Variants in SCNN1D observed in about 807,000 individuals in gnomAD.
The protein encoded by SCNN1D is epithelial sodium channel subunit delta.
In SCNN1D, 104 loss-of-function variants were observed where a neutral mutation model predicts 87.8. That is an observed-to-expected ratio of 1.18 (90% CI 1.01 to 1.39). The LOEUF is 1.39. SCNN1D is among the 40% of genes most tolerant of loss of function. The probability of loss-of-function intolerance (pLI) is 0.00; values close to 1 mark genes in which losing one functional copy is unlikely to be tolerated. For synonymous variants in SCNN1D, 628 were observed against 481.2 expected (o/e 1.31, Z -3.99); for missense variants, 1,324 against 1,093.9 (o/e 1.21, Z -2.97).
chr1:1,284,774 T>C (rs1475831983), intron 5 of SCNN1D, among the ~76,000 whole-genome samples: 2 of 151,970 alleles, frequency 1.3e-5, no homozygotes, highest in Admixed American at 6.5e-5. Context: ...CCAGACAGGG[T>C]GGAGAGGCCA....
chr1:1,280,478 AAAG>A lies in SCNN1D; in HGVS notation c.-182_-180del, dbSNP rs1640447881. The A allele has an allele frequency of 6.1e-6, 3 of 491,194 alleles. No individual in the cohort carries two copies. Among genetic ancestry groups the A allele is most frequent in the Non-Finnish European group, 1.1e-5 (3 of 272,602 alleles). 30.4% of individuals were successfully genotyped at this position (491,194 alleles called of 1,614,324 possible). On this transcript the variant is annotated 5_prime_UTR_variant, in exon 1 of 18. Transcript: ENST00000379116. ...CTCCATCTCAATAAATAAAAAAAAA[AAAG>A]AGTTGTTATCAGTAGAAGGGAATGT... is the stretch of plus-strand genomic sequence containing the variant.
chr1:1,290,203 C>T (rs533286046), intron 12 of SCNN1D, 68 bp from the exon 13 acceptor site: 17 of 1,159,326 alleles, frequency 1.5e-5, no homozygotes, highest in Non-Finnish European at 1.8e-5. Context: ...TGCTCCGTCC[C>T]GTGTCTCTGC....
rs755951513 is a variant in SCNN1D, at chr1:1,287,823, T to C, written c.1550T>C (p.Ile517Thr). ...FSVRPGTEAT[I>T]SIREDEVHRL... ...GTCCGGCCAGGGACGGAGGCCACCA[T>C]CAGCATCCGAGAGGTGAGCTGGCCT... Residue 517 changes from isoleucine to threonine, a missense_variant, in exon 11 of 18, where the codon ATC becomes ACC. Coordinates refer to ENST00000379116, the MANE Select transcript of SCNN1D (RefSeq NM_001130413.4). The C allele has an allele frequency of 6.4e-7, 1 of 1,558,140 alleles. No individual in the cohort carries two copies. Among genetic ancestry groups the C allele is most frequent in the Non-Finnish European group, 8.7e-7 (1 of 1,150,388 alleles).
chr1:1,281,678 G>A (rs3753340), intron 3 of SCNN1D, 68 bp downstream of exon 3: 40,403 of 1,402,276 alleles, frequency 0.029, 865 homozygotes, highest in African/African-American at 0.11. Flanking sequence ...CGGGAGCTGC[G>A]TGATCCAGCC....
In SCNN1D at chr1:1,287,138, C is replaced by T; in HGVS notation, c.1149C>T (p.Tyr383=). Residue 383 remains tyrosine (Y), a synonymous_variant, in exon 9 of 18, where the codon TAC becomes TAT. Coordinates refer to ENST00000379116, the MANE Select transcript of SCNN1D (RefSeq NM_001130413.4). Reference sequence around the variant, plus strand: ...ACAGCACGGGCGGCGACTGCTTTTACCGAGGCTACACGTCAGGCGTGGCGG... The same window carrying T: ...ACAGCACGGGCGGCGACTGCTTTTATCGAGGCTACACGTCAGGCGTGGCGG... ...LCNSTGGDCF[Y]RGYTSGVAAV... is the part of the protein sequence containing the mutation. 5 of 1,602,142 alleles carry T rather than the reference C, an allele frequency of 3.1e-6. No homozygotes were observed. Among genetic ancestry groups the T allele is most frequent in the Non-Finnish European group, 4.3e-6 (5 of 1,171,690 alleles).
chr1:1,287,445 C>A, intron 9 of SCNN1D, 63 bp from the exon 10 acceptor site: 1 of 1,492,424 alleles, frequency 6.7e-7, no homozygotes, highest in South Asian at 1.3e-5. Flanking sequence ...CATGGCCCCT[C>A]AGGCCAGCGT....
chr1:1,288,400 G>A (rs1216055036), intron 12 of SCNN1D, among the ~76,000 whole-genome samples: 2 of 27,386 alleles, frequency 7.3e-5, no homozygotes, highest in Non-Finnish European at 5.3e-5. Context: ...TCCCTGCTCC[G>A]TCCCGTGTCC....
At position 1,287,179 on chromosome 1, in the gene SCNN1D, A is replaced by G; in HGVS notation, c.1190A>G (p.Tyr397Cys). 6.2e-7 allele frequency: 1 copy of G among 1,612,214 alleles called. No individual in the cohort carries two copies. The highest frequency in any genetic ancestry group is 8.5e-7 in the Non-Finnish European group (1 of 1,179,610). ...GGCGTGGCGGCTGTCCAGGACTGGT[A>G]CCACTTCCACTATGTGGATATCCTG... ...TSGVAAVQDW[Y>C]HFHYVDILAL... is the part of the protein sequence containing the mutation. Residue 397 changes from tyrosine to cysteine, a missense_variant, in exon 9 of 18, where the codon TAC (tyrosine) becomes TGC (cysteine). Transcript: ENST00000379116.
chr1:1,281,162 C>T lies in SCNN1D; in HGVS notation c.6-64C>T, dbSNP rs1012832080. ...GGGACGCTCACCCCAGGGGAGGAAACGGGGCTCTGGGATAGGAGGTCCTGG... is the reference window on the plus strand; with the variant it reads ...GGGACGCTCACCCCAGGGGAGGAAATGGGGCTCTGGGATAGGAGGTCCTGG... On this transcript the variant is annotated intron_variant, in intron 1 of 17. Transcript: ENST00000379116. The T allele has an allele frequency of 1.2e-5, 18 of 1,453,156 alleles. No homozygotes were observed. The African/African-American group carries it at 1.5e-4, about 12-fold the overall frequency. The allele number at this position is 1,453,156 out of a possible 1,614,324, so 90.0% of individuals were successfully genotyped here. A position where few individuals can be genotyped will look rare whatever the true frequency, so the allele number is the denominator to read the frequency against.
chr1:1,281,431 G>A lies in SCNN1D; in HGVS notation c.98G>A (p.Ser33Asn), dbSNP rs1640468542. The A allele has an allele frequency of 6.6e-7, 1 of 1,520,400 alleles. No individual in the cohort carries two copies. Among genetic ancestry groups the A allele is most frequent in the Non-Finnish European group, 8.8e-7 (1 of 1,138,000 alleles). 94.2% of individuals were successfully genotyped at this position (1,520,400 alleles called of 1,614,324 possible). A position where few individuals can be genotyped will look rare whatever the true frequency, so the allele number is the denominator to read the frequency against. ...GPRRLTWSWCSDHRTPTCREL... is the reference protein window; with the variant it reads ...GPRRLTWSWCNDHRTPTCREL... Reference sequence around the variant, plus strand: ...TTCAGGCTCACCTGGTCATGGTGCAGTGACCACAGGACCCCCACATGCCGG... The same window carrying A: ...TTCAGGCTCACCTGGTCATGGTGCAATGACCACAGGACCCCCACATGCCGG... Residue 33 changes from serine to asparagine, a missense_variant, in exon 3 of 18, where the codon AGT (serine) becomes AAT (asparagine). Transcript: ENST00000379116.
In SCNN1D at chr1:1,290,922, C is replaced by G. The variant is rs761221121; in HGVS notation, c.1945C>G (p.Gln649Glu). 33 of 1,609,730 alleles carry G rather than the reference C, an allele frequency of 2.1e-5. No homozygotes were observed. In the Admixed American group the frequency reaches 5.5e-4, roughly 27 times the overall value. Residue 649 changes from glutamine to glutamate, a missense_variant, in exon 16 of 18, where the codon CAG becomes GAG. Physicochemically the swap from Gln to Glu is conservative, Grantham distance 29 (BLOSUM62 2). Coordinates refer to ENST00000379116, the MANE Select transcript of SCNN1D (RefSeq NM_001130413.4). Reference protein sequence around the residue: ...AGWTLATLGEQGLPHQSHRQR... With the variant: ...AGWTLATLGEEGLPHQSHRQR... ...ATGGACTCTGGCCACGCTAGGTGAA[C>G]AGGGGCTGCCGCATCAGAGCCACAG...
At chr1:1,289,972 G>C (rs1261160523) in intron 12 of SCNN1D, among the ~76,000 whole-genome samples, 4 of 10,736 alleles carry the variant, frequency 3.7e-4, no homozygotes, top group African/African-American at 1.4e-3. Context: ...CGTCCCCCGT[G>C]TCTGCTCCGT....
Position 1,291,669 on chromosome 1 carries a change from C to A in SCNN1D, c.*59C>A. Reference sequence around the variant, plus strand: ...CTGGTCCTTGCAGCTGTGGCAGCAGCAGGCTCCCCAGCGGCCCAGGGTGGG... The same window carrying A: ...CTGGTCCTTGCAGCTGTGGCAGCAGAAGGCTCCCCAGCGGCCCAGGGTGGG... On this transcript the variant is annotated 3_prime_UTR_variant, in exon 18 of 18. Coordinates refer to ENST00000379116, the MANE Select transcript of SCNN1D (RefSeq NM_001130413.4). 1 of 1,342,032 alleles carries A rather than the reference C, an allele frequency of 7.5e-7. No individual in the cohort carries two copies. Among genetic ancestry groups the A allele is most frequent in the Non-Finnish European group, 1.0e-6 (1 of 996,970 alleles). The allele number at this position is 1,342,032 out of a possible 1,614,324, so 83.1% of individuals were successfully genotyped here. A position where few individuals can be genotyped will look rare whatever the true frequency, so the allele number is the denominator to read the frequency against.
chr1:1,283,131 G>A (rs529303607), intron 4 of SCNN1D, among the ~76,000 whole-genome samples: 3 of 152,286 alleles, frequency 2.0e-5, no homozygotes, highest in South Asian at 4.1e-4. Context: ...TGTGTGGCGC[G>A]TCATCTTAGT....
At chr1:1,282,952 C>T (rs970141891) in intron 4 of SCNN1D, among the ~76,000 whole-genome samples, 1 of 151,940 alleles carries the variant, frequency 6.6e-6, no homozygotes, top group Non-Finnish European at 1.5e-5. Context: ...CGGGGTTTCA[C>T]CGTGTTAGGC....
intron 12 of SCNN1D, 29 bp downstream of exon 12, chr1:1,288,066 G>A (rs764947784): frequency 6.8e-7 from 1 of 1,472,542 alleles, no homozygotes; most frequent in Admixed American, 2.1e-5. Context: ...GGGGTGCGGG[G>A]GCAGGTGAGG....
At chr1:1,288,240 C>T (rs531447972) in intron 12 of SCNN1D, among the ~76,000 whole-genome samples, 26 of 126,998 alleles carry the variant, frequency 2.0e-4, no homozygotes, top group African/African-American at 4.6e-4. Context: ...TGCTCCGTCC[C>T]GTGTCTCTGC....
chr1:1,281,338 C>T (rs1278760504), intron 2 of SCNN1D, 41 bp downstream of exon 2: 2 of 1,535,242 alleles, frequency 1.3e-6, no homozygotes, highest in Admixed American at 3.9e-5. Context: ...GCCTGGCCGT[C>T]TTTCCTGGGA....
chr1:1,285,847 C>G, intron 6 of SCNN1D, 79 bp from the exon 7 acceptor site: 1 of 1,406,842 alleles, frequency 7.1e-7, no homozygotes, highest in Non-Finnish European at 9.6e-7. Context: ...GCACTGGTGG[C>G]TGACAGACAT....
Sources: allele counts gnomAD v4.1 joint callset (sites outside exome capture counted in the v4.1 genomes callset), GRCh38; gene constraint gnomAD v4.1.1; transcripts MANE v1.5; gene names NCBI Gene and HGNC (gene_info 2026-07-23, HGNC 2026-07-21).